CSNK1G3: variants seen among roughly 807,000 people sequenced by gnomAD.
The protein encoded by CSNK1G3 is casein kinase I isoform gamma-3.
CSNK1G3 carries 23 observed loss-of-function variants against 64.3 expected under a neutral mutation model. The observed-to-expected ratio is 0.36, with a 90% CI of 0.26 to 0.51. The LOEUF (loss-of-function observed/expected upper bound fraction) is 0.51, where lower values mean the gene tolerates loss of function less well. Ranked by LOEUF, CSNK1G3 falls within the 20% of genes least tolerant of loss-of-function variation. The pLI, the probability that CSNK1G3 is intolerant of heterozygous loss-of-function variation, is 0.96. For missense variants in CSNK1G3, 357 were observed against 510.5 expected (o/e 0.70, Z 2.90); for synonymous variants, 158 against 162.2 (o/e 0.97, Z 0.20).
At chr5:123,549,380 C>A (rs1247470406) in intron 2 of CSNK1G3, among the ~76,000 whole-genome samples, 2 of 152,098 alleles carry the variant, frequency 1.3e-5, no homozygotes, top group African/African-American at 2.4e-5. Context: ...AGAGGTTAGC[C>A]AATTCTTAGA....
chr5:123,523,212 A>G (rs1778449398), intron 1 of CSNK1G3, among the ~76,000 whole-genome samples: 1 of 152,112 alleles, frequency 6.6e-6, no homozygotes, highest in Admixed American at 6.5e-5. Context: ...CTCAGTGAAA[A>G]AATTTTACCT....
At chr5:123,589,340 A>G (rs897330160) in intron 8 of CSNK1G3, among the ~76,000 whole-genome samples, 1 of 152,138 alleles carries the variant, frequency 6.6e-6, no homozygotes, top group Admixed American at 6.6e-5. Flanking sequence ...TATAATATCT[A>G]GAAGTAGATT....
At chr5:123,551,068 A>G (rs115084216) in intron 2 of CSNK1G3, among the ~76,000 whole-genome samples, 1,941 of 152,284 alleles carry the variant, frequency 0.013, 20 homozygotes, top group Non-Finnish European at 0.02. Flanking sequence ...TCTGTAGTTA[A>G]CCTAACTTCT....
intron 4 of CSNK1G3, among the ~76,000 whole-genome samples, chr5:123,568,500 T>C (rs1397819985): frequency 3.3e-5 from 5 of 152,186 alleles, no homozygotes; most frequent in Non-Finnish European, 7.3e-5. Context: ...AAATGTTTGC[T>C]CAGCTCATGA....
intron 1 of CSNK1G3, among the ~76,000 whole-genome samples, chr5:123,532,605 AC>A (rs1238890255): frequency 6.6e-6 from 1 of 151,732 alleles, no homozygotes; most frequent in African/African-American, 2.4e-5. Context: ...CATGTTAAGA[AC>A]TCCACAGCTG....
intron 1 of CSNK1G3, among the ~76,000 whole-genome samples, chr5:123,525,789 C>T (rs1052415615): frequency 2.7e-4 from 41 of 151,628 alleles, no homozygotes; most frequent in Non-Finnish European, 5.5e-4. Context: ...GTCAGGAGAT[C>T]GAGACTGTCC....
chr5:123,612,272 C>A (rs1165687048), intron 12 of CSNK1G3, among the ~76,000 whole-genome samples: 1 of 151,940 alleles, frequency 6.6e-6, no homozygotes, highest in East Asian at 1.9e-4. Flanking sequence ...GTTTGCAGTA[C>A]CCTCATAGTA....
intron 3 of CSNK1G3, among the ~76,000 whole-genome samples, 191 bp from the exon 4 acceptor site, chr5:123,557,304 G>T (rs1784833799): frequency 6.6e-6 from 1 of 152,030 alleles, no homozygotes; most frequent in South Asian, 2.1e-4. Flanking sequence ...CTTAGTTTAT[G>T]TACATTTGTA....
At chr5:123,616,528 G>A (rs1749480459) in exon 13 of CSNK1G3, 2 of 152,486 alleles carry the variant, frequency 1.3e-5, no homozygotes, top group Non-Finnish European at 2.9e-5. Flanking sequence ...TTGCTTTTTA[G>A]CAATATTTTT....
At chr5:123,591,882 G>T (rs1792429318) in intron 10 of CSNK1G3, among the ~76,000 whole-genome samples, 1 of 152,154 alleles carries the variant, frequency 6.6e-6, no homozygotes, top group Non-Finnish European at 1.5e-5. Flanking sequence ...TTAGAATCAG[G>T]CATACATGGA....
At position 123,521,148 on chromosome 5, in the gene CSNK1G3, A is replaced by C. The variant is rs575566860; in HGVS notation, c.-248+8578A>C. ...GGTGTCAGTTTTAGATGACCTTGAAAAAAAGTGTTTATAGATGCATATTTT... is the reference window on the plus strand; with the variant it reads ...GGTGTCAGTTTTAGATGACCTTGAACAAAAGTGTTTATAGATGCATATTTT... On this transcript the variant is annotated intron_variant, in intron 1 of 12. Transcript: ENST00000345990. 5.3e-5 allele frequency among the ~76,000 whole-genome samples: 8 copies of C among 152,284 alleles called. No individual in the cohort carries two copies. In the South Asian group the frequency reaches 1.7e-3, roughly 32 times the overall value.
At chr5:123,590,520 A>T in exon 9 of CSNK1G3, 2 of 1,529,642 alleles carry the variant, frequency 1.3e-6, no homozygotes, top group Non-Finnish European at 1.7e-6. Flanking sequence ...AAAAGGATAT[A>T]TGTTTGATTA....
At chr5:123,517,085 C>T (rs542089563) in intron 1 of CSNK1G3, among the ~76,000 whole-genome samples, 4 of 152,128 alleles carry the variant, frequency 2.6e-5, no homozygotes, top group Non-Finnish European at 2.9e-5. Flanking sequence ...CAGAAGTTGC[C>T]GATAAGAATT....
At chr5:123,542,345 C>A (rs1381252856) in intron 1 of CSNK1G3, among the ~76,000 whole-genome samples, 1 of 152,018 alleles carries the variant, frequency 6.6e-6, no homozygotes, top group Non-Finnish European at 1.5e-5. Context: ...TTTACTTCTA[C>A]CTGTTATATA....
At chr5:123,607,569 G>T (rs1437421714) in intron 12 of CSNK1G3, among the ~76,000 whole-genome samples, 20 of 152,144 alleles carry the variant, frequency 1.3e-4, no homozygotes, top group Non-Finnish European at 1.5e-5. Flanking sequence ...GACATCAAAA[G>T]ATTAGTGATT....
chr5:123,548,740 T>TAA lies in CSNK1G3; in HGVS notation c.178+2911_178+2912dup, dbSNP rs574709184. 2.8e-5 allele frequency among the ~76,000 whole-genome samples: 4 copies of TAA among 142,860 alleles called. No individual in the cohort carries two copies. The South Asian group carries it at 6.7e-4, about 24-fold the overall frequency. 93.7% of individuals were successfully genotyped at this position (142,860 alleles called of 152,430 possible). A position where few individuals can be genotyped will look rare whatever the true frequency, so the allele number is the denominator to read the frequency against. On this transcript the variant is annotated intron_variant, in intron 2 of 12. Transcript: ENST00000345990. ...GGACAATATAGTGAGATCCTGTCTG[T>TAA]AAAAAAAAAAAAATGATAATAAGGA... is the stretch of plus-strand genomic sequence containing the variant.
At chr5:123,590,276 A>G (rs1051212691) in intron 8 of CSNK1G3, 134 bp from the exon 9 acceptor site, 2 of 395,468 alleles carry the variant, frequency 5.1e-6, no homozygotes, top group Middle Eastern at 6.7e-4. Flanking sequence ...TTAAACTCAG[A>G]AAAATTTAAA....
chr5:123,520,603 T>C (rs1239090056), intron 1 of CSNK1G3, among the ~76,000 whole-genome samples: 1 of 152,022 alleles, frequency 6.6e-6, no homozygotes, highest in Non-Finnish European at 1.5e-5. Context: ...AATGTATTGA[T>C]ACTTTGCAGA....
intron 6 of CSNK1G3, among the ~76,000 whole-genome samples, chr5:123,584,288 G>T (rs1354536685): frequency 6.6e-6 from 1 of 151,924 alleles, no homozygotes; most frequent in African/African-American, 2.4e-5. Flanking sequence ...AATTATGTTA[G>T]TTGACATTTT....
Sources: allele counts gnomAD v4.1 joint callset (sites outside exome capture counted in the v4.1 genomes callset), GRCh38; gene constraint gnomAD v4.1.1; transcripts MANE v1.5; gene names NCBI Gene and HGNC (gene_info 2026-07-23, HGNC 2026-07-21).